The following TNS3 variants were observed in gnomAD, a reference collection of about 807,000 sequenced individuals.
TNS3 encodes tensin 3, also known as tensin-3.
In TNS3, 45 loss-of-function variants were observed where a neutral mutation model predicts 140.9. That is an observed-to-expected ratio of 0.32 (90% CI 0.25 to 0.41). The LOEUF is 0.41. Ranked by LOEUF, TNS3 falls within the 10% of genes least tolerant of loss-of-function variation. The pLI is 1.00. For missense variants in TNS3, 1,716 were observed against 1,906.7 expected, an observed-to-expected ratio of 0.90 and a Z score of 1.86; for synonymous variants, 815 against 788.4, an observed-to-expected ratio of 1.03 and a Z score of -0.56.
intron 1 of TNS3, among the ~76,000 whole-genome samples, chr7:47,549,876 T>C (rs1800016295): frequency 1.3e-5 from 2 of 151,850 alleles, no homozygotes; most frequent in Admixed American, 1.3e-4. Flanking sequence ...CCATTCCAGG[T>C]TTTTCATGCT....
chr7:47,285,815 C>T (rs1584313624), intron 27 of TNS3, among the ~76,000 whole-genome samples: 1 of 152,260 alleles, frequency 6.6e-6, no homozygotes, highest in African/African-American at 2.4e-5. Flanking sequence ...ACCAGAAACA[C>T]ATTAGAAATG....
intron 17 of TNS3, among the ~76,000 whole-genome samples, chr7:47,364,415 T>C (rs1790574556): frequency 1.3e-5 from 2 of 151,906 alleles, no homozygotes; most frequent in African/African-American, 4.8e-5. Context: ...CCCAAGAAGC[T>C]GGAATTACAG....
intron 4 of TNS3, among the ~76,000 whole-genome samples, chr7:47,456,493 C>G (rs925325578): frequency 3.3e-5 from 5 of 152,168 alleles, no homozygotes; most frequent in African/African-American, 9.7e-5. Context: ...ATGCAAAGTG[C>G]TTAATACTGT....
chr7:47,429,618 C>T (rs898023701), intron 8 of TNS3, among the ~76,000 whole-genome samples: 20 of 152,282 alleles, frequency 1.3e-4, no homozygotes, highest in African/African-American at 4.8e-4. Flanking sequence ...CCACCAGCCT[C>T]GGCCTCCCAA....
At chr7:47,430,809 C>T (rs548866077) in intron 8 of TNS3, among the ~76,000 whole-genome samples, 39 of 152,016 alleles carry the variant, frequency 2.6e-4, no homozygotes, top group Middle Eastern at 3.4e-3. Context: ...CAACCTCCAC[C>T]GCCTGGGTTC....
At chr7:47,528,948 C>T (rs968093442) in intron 2 of TNS3, 88 bp downstream of exon 2, 5 of 772,814 alleles carry the variant, frequency 6.5e-6, no homozygotes, top group Non-Finnish European at 8.9e-6. Flanking sequence ...ATTTAACTTT[C>T]GGAAACTCCT....
intron 2 of TNS3, among the ~76,000 whole-genome samples, chr7:47,518,493 T>C (rs1241295832): frequency 6.6e-6 from 1 of 151,816 alleles, no homozygotes; most frequent in East Asian, 1.9e-4. Flanking sequence ...AGTTTTACTC[T>C]TTCTCTCTTT....
intron 23 of TNS3, among the ~76,000 whole-genome samples, chr7:47,300,359 G>A (rs1391556684): frequency 6.6e-6 from 1 of 152,152 alleles, no homozygotes; most frequent in Non-Finnish European, 1.5e-5. Flanking sequence ...ATCCTGAGAT[G>A]GGGTCCTCCC....
Position 47,346,448 on chromosome 7 carries a change from G to A in TNS3, c.2282-92C>T, listed in dbSNP as rs569139346. 2.4e-5 allele frequency: 36 copies of A among 1,476,196 alleles called. No homozygotes were observed. In the African/African-American group the frequency reaches 4.3e-4, roughly 18 times the overall value. 91.4% of individuals were successfully genotyped at this position (1,476,196 alleles called of 1,614,324 possible). A position where few individuals can be genotyped will look rare whatever the true frequency, so the allele number is the denominator to read the frequency against. On this transcript the variant is annotated intron_variant, in intron 17 of 30. Transcript: ENST00000311160. ...AAATCTTGCCTGCTGCTTCTCAAAG[G>A]TGCTGTATGCTGCATCCTGGTCACC...
intron 1 of TNS3, among the ~76,000 whole-genome samples, chr7:47,570,223 T>C (rs973377450): frequency 6.6e-6 from 1 of 152,244 alleles, no homozygotes; most frequent in Non-Finnish European, 1.5e-5. Context: ...GCATCAAGAC[T>C]GGAATCCATT....
rs548598219 is a variant in TNS3, at chr7:47,280,274, C to T, written c.4166+12G>A. 4 of 1,614,094 alleles carry T rather than the reference C, an allele frequency of 2.5e-6. No individual in the cohort carries two copies. Among genetic ancestry groups the T allele is most frequent in the African/African-American group, 1.3e-5 (1 of 75,040 alleles). ...GTACACTCCTTGCTCAATAAAAATG[C>T]AAATTTCTTACTTCCTGTCTTGTGG... On this transcript the variant is annotated intron_variant, in intron 29 of 30. Coordinates refer to ENST00000311160, the MANE Select transcript of TNS3 (RefSeq NM_022748.12).
intron 16 of TNS3, among the ~76,000 whole-genome samples, chr7:47,377,562 CAG>C (rs959552850): frequency 6.6e-6 from 1 of 152,168 alleles, no homozygotes; most frequent in Admixed American, 6.5e-5. Context: ...ATATACTAAA[CAG>C]AGCAAATTTT....
intron 1 of TNS3, among the ~76,000 whole-genome samples, chr7:47,570,852 T>C (rs1800535441): frequency 6.6e-6 from 1 of 152,086 alleles, no homozygotes; most frequent in South Asian, 2.1e-4. Flanking sequence ...GCAGCAGCCT[T>C]CTTGTCCTTG....
rs751323472 is a variant in TNS3 at position 47,481,131 on chromosome 7, G to A, written c.-104C>T. ...TTCCAGTCGGACTTGCACACCGCAG[G>A]GAATCACCACCTTTCAAAGAGAGAA... On this transcript the variant is annotated 5_prime_UTR_variant, in exon 4 of 31. Transcript: ENST00000311160. The A allele has an allele frequency of 7.8e-7, 1 of 1,289,720 alleles. No individual in the cohort carries two copies. The highest frequency in any genetic ancestry group is 1.0e-6 in the Non-Finnish European group (1 of 988,870). The allele number at this position is 1,289,720 out of a possible 1,614,324, so 79.9% of individuals were successfully genotyped here. A position where few individuals can be genotyped will look rare whatever the true frequency, so the allele number is the denominator to read the frequency against.
rs541987899 is a variant in TNS3 at position 47,567,030 on chromosome 7, CAAAAA to C, written c.-265+15016_-265+15020del. Among the ~76,000 whole-genome samples, 699 of 98,682 alleles carry C rather than the reference CAAAAA, an allele frequency of 7.1e-3. 3 individuals are homozygous for C. The highest frequency in any genetic ancestry group is 0.024 in the African/African-American group (614 of 25,230). 64.7% of individuals were successfully genotyped at this position (98,682 alleles called of 152,430 possible). On this transcript the variant is annotated intron_variant, in intron 1 of 30. Transcript: ENST00000311160. ...TGGGCTACAAAGCCGGACTCCATCTCAAAAAAAAAAAAAAAAAAAAAAAGACATTC... is the reference window on the plus strand; with the variant it reads ...TGGGCTACAAAGCCGGACTCCATCTCAAAAAAAAAAAAAAAAAAGACATTC...
chr7:47,483,320 C>T lies in TNS3; in HGVS notation c.-114-2179G>A, dbSNP rs558385400. On this transcript the variant is annotated intron_variant, in intron 3 of 30. Transcript: ENST00000311160. Reference sequence around the variant, plus strand: ...GAGTAGCTGGGACTACAGGCGCCCGCCACCACGCCTGGCTAATTTTTTGTA... The same window carrying T: ...GAGTAGCTGGGACTACAGGCGCCCGTCACCACGCCTGGCTAATTTTTTGTA... Among the ~76,000 whole-genome samples the T allele has an allele frequency of 2.6e-5, 4 of 152,156 alleles. No individual in the cohort carries two copies. In the South Asian group the frequency reaches 8.3e-4, roughly 32 times the overall value.
chr7:47,389,716 C>A (rs1792398462), intron 16 of TNS3, among the ~76,000 whole-genome samples: 1 of 152,208 alleles, frequency 6.6e-6, no homozygotes, highest in Non-Finnish European at 1.5e-5. Flanking sequence ...GAAGCCGGCG[C>A]CCCCAGGCCA....
At chr7:47,516,724 A>T (rs1207049089) in intron 2 of TNS3, among the ~76,000 whole-genome samples, 1 of 152,240 alleles carries the variant, frequency 6.6e-6, no homozygotes, top group Non-Finnish European at 1.5e-5. Context: ...AGCAATGGCT[A>T]AAATGATTTC....
intron 4 of TNS3, among the ~76,000 whole-genome samples, chr7:47,446,663 C>CAAAG (rs767985490): frequency 3.5e-5 from 5 of 143,918 alleles, no homozygotes; most frequent in Non-Finnish European, 7.6e-5. Flanking sequence ...GGTAAGCCTG[C>CAAAG]AAAGACCGCC....
Sources: allele counts gnomAD v4.1 joint callset (sites outside exome capture counted in the v4.1 genomes callset), GRCh38; gene constraint gnomAD v4.1.1; transcripts MANE v1.5; gene names NCBI Gene and HGNC (gene_info 2026-07-23, HGNC 2026-07-21).